NAALADL2: variants seen among roughly 807,000 people sequenced by gnomAD.
NAALADL2 encodes the protein N-acetylated alpha-linked acidic dipeptidase like 2.
In NAALADL2, 76 loss-of-function variants were observed where a neutral mutation model predicts 87.2. That is an observed-to-expected ratio of 0.87 (90% CI 0.72 to 1.05). NAALADL2 has a LOEUF of 1.05. Among genes scored for constraint, NAALADL2 ranks in the 50% least tolerant of loss-of-function variants. NAALADL2 has a pLI of 0.00. For synonymous variants in NAALADL2, 354 were observed against 331.0 expected, an observed-to-expected ratio of 1.07 and a Z score of -0.75; for missense variants, 1,089 against 945.8, an observed-to-expected ratio of 1.15 and a Z score of -1.99.
chr3:174,946,987 C>T (rs1157479474), intron 1 of NAALADL2, among the ~76,000 whole-genome samples: 1 of 152,130 alleles, frequency 6.6e-6, no homozygotes, highest in African/African-American at 2.4e-5. Context: ...CAAAAATAAA[C>T]ATTCAAAAGT....
intron 11 of NAALADL2, among the ~76,000 whole-genome samples, chr3:175,671,252 G>T (rs1016031207): frequency 1.3e-5 from 2 of 151,460 alleles, no homozygotes; most frequent in East Asian, 3.9e-4. Flanking sequence ...CCATTTTTTT[G>T]AAATTAAAAT....
In NAALADL2 at chr3:175,514,226, T is replaced by C. The variant is rs922835270; in HGVS notation, c.1653+42468T>C. ...AGTTGTAGTTATTTTTCTCTCATAC[T>C]TTTCTTAGTGCACATCTATAAATTC... On this transcript the variant is annotated intron_variant, in intron 9 of 13. Transcript: ENST00000454872. Among the ~76,000 whole-genome samples the C allele has an allele frequency of 6.3e-4, 96 of 152,176 alleles. 1 individual carries two copies. The highest frequency in any genetic ancestry group is 3.3e-4 in the Admixed American group (5 of 15,268).
Position 174,973,720 on chromosome 3 carries a change from G to T in NAALADL2, c.43+114270G>T, listed in dbSNP as rs566883128. 2.0e-4 allele frequency among the ~76,000 whole-genome samples: 31 copies of T among 152,272 alleles called. 1 individual carries two copies. The highest frequency in any genetic ancestry group is 4.1e-4 in the South Asian group (2 of 4,820). ...GTATGCGGTATAGCCTGTTCCTCCTGTGGTACAGACCTGTACAGCATGTTA... is the reference window on the plus strand; with the variant it reads ...GTATGCGGTATAGCCTGTTCCTCCTTTGGTACAGACCTGTACAGCATGTTA... On this transcript the variant is annotated intron_variant, in intron 1 of 13. Coordinates refer to ENST00000454872, the MANE Select transcript of NAALADL2 (RefSeq NM_207015.3).
chr3:175,438,553 A>G lies in NAALADL2; in HGVS notation c.1091-8676A>G, dbSNP rs555749640. ...CATTTTCATAAAAGTGCAGCAGAAA[A>G]TGTGTTTTAAAATCTCAGTTTTTTT... On this transcript the variant is annotated intron_variant, in intron 5 of 13. Coordinates refer to ENST00000454872, the MANE Select transcript of NAALADL2 (RefSeq NM_207015.3). Among the ~76,000 whole-genome samples, 8 of 152,200 alleles carry G rather than the reference A, an allele frequency of 5.3e-5. 1 individual carries two copies. Among genetic ancestry groups the G allele is most frequent in the African/African-American group, 1.9e-4 (8 of 41,546 alleles).
intron 1 of NAALADL2, among the ~76,000 whole-genome samples, chr3:174,919,235 CATTCAT>C (rs1158721894): frequency 6.6e-6 from 1 of 152,064 alleles, no homozygotes; most frequent in Admixed American, 6.6e-5. Context: ...AAGATTGCCA[CATTCAT>C]TGACTTCCTT....
At chr3:175,349,582 T>A (rs566510250) in intron 5 of NAALADL2, among the ~76,000 whole-genome samples, 2 of 152,290 alleles carry the variant, frequency 1.3e-5, no homozygotes, top group East Asian at 1.9e-4. Context: ...CTCTTTTTTT[T>A]AAGAAAACAG....
rs372842646 is a variant in NAALADL2, at chr3:175,611,649, A to G, written c.1801-15642A>G. ...CTGGAGAAAATCGAGATAACTGATT[A>G]TTCTCAAATGAAAATTAAGGAAAGA... is the stretch of plus-strand genomic sequence containing the variant. On this transcript the variant is annotated intron_variant, in intron 10 of 13. Transcript: ENST00000454872. Among the ~76,000 whole-genome samples the G allele has an allele frequency of 9.2e-5, 14 of 152,300 alleles. No individual in the cohort carries two copies. The South Asian group carries it at 2.5e-3, about 27-fold the overall frequency.
At chr3:175,171,643 GATTAC>G (rs1260679287) in intron 2 of NAALADL2, among the ~76,000 whole-genome samples, 3 of 152,042 alleles carry the variant, frequency 2.0e-5, no homozygotes, top group Non-Finnish European at 2.9e-5. Flanking sequence ...TATTTCTTCT[GATTAC>G]ATTACTATAT....
At chr3:174,979,603 C>T (rs1276274953) in intron 1 of NAALADL2, among the ~76,000 whole-genome samples, 1 of 152,004 alleles carries the variant, frequency 6.6e-6, no homozygotes, top group Admixed American at 6.5e-5. Context: ...CCACACCCAG[C>T]CCATTTTGTT....
At chr3:175,492,724 C>T (rs972337175) in intron 9 of NAALADL2, among the ~76,000 whole-genome samples, 1 of 152,084 alleles carries the variant, frequency 6.6e-6, no homozygotes, top group Non-Finnish European at 1.5e-5. Context: ...TTCATCTATA[C>T]GTAAACATCT....
intron 1 of NAALADL2, among the ~76,000 whole-genome samples, chr3:174,904,293 G>A (rs942529294): frequency 1.9e-4 from 29 of 151,768 alleles, no homozygotes; most frequent in African/African-American, 7.0e-4. Flanking sequence ...TACATTGTGT[G>A]ATATGTTACC....
chr3:174,631,508 T>C (rs1722111752), intron 2 of NAALADL2, among the ~76,000 whole-genome samples: 2 of 152,220 alleles, frequency 1.3e-5, no homozygotes, highest in African/African-American at 4.8e-5. Context: ...AATCTTTGCT[T>C]GTGGCTCTCA....
intron 3 of NAALADL2, among the ~76,000 whole-genome samples, chr3:174,759,840 A>G (rs1013015627): frequency 1.3e-5 from 2 of 151,964 alleles, no homozygotes; most frequent in African/African-American, 4.8e-5. Context: ...AGCTGGGATT[A>G]CAGGCACCTG....
At chr3:175,096,036 T>C (rs767835183) in intron 1 of NAALADL2, among the ~76,000 whole-genome samples, 7 of 152,016 alleles carry the variant, frequency 4.6e-5, no homozygotes, top group Non-Finnish European at 8.8e-5. Context: ...GAAACCAAAC[T>C]CTCCTAGGCT....
chr3:174,659,114 G>A (rs1335318241), intron 2 of NAALADL2, among the ~76,000 whole-genome samples: 1 of 152,114 alleles, frequency 6.6e-6, no homozygotes, highest in Non-Finnish European at 1.5e-5. Flanking sequence ...TGTGTTTGGT[G>A]TATTATCTGA....
At chr3:174,476,601 T>C (rs775359587) in intron 1 of NAALADL2, among the ~76,000 whole-genome samples, 6 of 152,042 alleles carry the variant, frequency 3.9e-5, no homozygotes, top group Non-Finnish European at 8.8e-5. Context: ...ATAGGTACAA[T>C]TCTTACAGTA....
chr3:175,029,064 T>TAA (rs1393049919), intron 1 of NAALADL2, among the ~76,000 whole-genome samples: 5 of 148,378 alleles, frequency 3.4e-5, no homozygotes, highest in South Asian at 2.1e-4. Flanking sequence ...TATATATATA[T>TAA]AAAAAACTCA....
intron 5 of NAALADL2, among the ~76,000 whole-genome samples, chr3:175,401,016 C>T (rs747934219): frequency 3.9e-5 from 6 of 152,108 alleles, no homozygotes; most frequent in Non-Finnish European, 5.9e-5. Flanking sequence ...CTAAAGTTAG[C>T]GGCTTTCTAG....
At chr3:174,570,795 T>A (rs566684923) in intron 2 of NAALADL2, among the ~76,000 whole-genome samples, 1 of 152,186 alleles carries the variant, frequency 6.6e-6, no homozygotes, top group Non-Finnish European at 1.5e-5. Flanking sequence ...TTATGGTGCA[T>A]TTTGGATAAT....
Sources: gnomAD v4.1 joint callset for allele counts (sites outside exome capture counted in the v4.1 genomes callset) on GRCh38, gnomAD v4.1.1 for gene constraint, MANE v1.5 for transcripts, NCBI Gene and HGNC (gene_info 2026-07-23, HGNC 2026-07-21) for gene names.